The following ANKHD1 variants were observed in gnomAD, a reference collection of about 807,000 sequenced individuals.
ANKHD1 encodes the protein ankyrin repeat and KH domain-containing protein 1.
In ANKHD1, 31 loss-of-function variants were observed where a neutral mutation model predicts 230.5. That is an observed-to-expected ratio of 0.13 (90% CI 0.10 to 0.18). The LOEUF (loss-of-function observed/expected upper bound fraction) is 0.18. Among genes scored for constraint, ANKHD1 ranks in the 10% least tolerant of loss-of-function variants. The probability of loss-of-function intolerance (pLI) is 1.00; values close to 1 mark genes in which losing one functional copy is unlikely to be tolerated. For missense variants in ANKHD1, 2,256 were observed against 3,071.3 expected (o/e 0.73, Z 6.27); for synonymous variants, 1,074 against 1,117.6 (o/e 0.96, Z 0.78).
In ANKHD1 at chr5:140,509,798, A is replaced by G; in HGVS notation, c.3927A>G (p.Glu1309=). ...ACAAAGGTCACTACAAATTTTGTGAACTCCTGATTCATAGGTGAGTACTTT... is the reference window on the plus strand; with the variant it reads ...ACAAAGGTCACTACAAATTTTGTGAGCTCCTGATTCATAGGTGAGTACTTT... ...AADKGHYKFC[E]LLIHRGAHID... is the part of the protein sequence containing the mutation. The change falls in exon 21 of 34, where the codon GAA becomes GAG. Residue 1309 remains glutamate, a synonymous_variant. Transcript: ENST00000360839. The G allele has an allele frequency of 6.2e-7, 1 of 1,610,892 alleles. No homozygotes were observed. The highest frequency in any genetic ancestry group is 8.5e-7 in the Non-Finnish European group (1 of 1,179,380).
chr5:140,515,670 C>T (rs1752969100), intron 24 of ANKHD1, among the ~76,000 whole-genome samples: 1 of 152,162 alleles, frequency 6.6e-6, no homozygotes, highest in African/African-American at 2.4e-5. Flanking sequence ...TGGGGGGCAC[C>T]CCCCAGCAGG....
intron 1 of ANKHD1, among the ~76,000 whole-genome samples, chr5:140,410,203 A>G (rs1461621263): frequency 6.6e-6 from 1 of 152,156 alleles, no homozygotes; most frequent in Non-Finnish European, 1.5e-5. Flanking sequence ...CTTTATGAAA[A>G]TACAACTATG....
rs557914339 is a variant in ANKHD1 at position 140,402,183 on chromosome 5, C to T, written c.216C>T (p.Asp72=). The stretch of plus-strand genomic sequence containing the variant: ...GCGGCAGCGGTACGGGCGGAGGGGA[C>T]GCGGCGCTGGATTTCAAGTTGGCGG... ...GGSGSGTGGG[D]AALDFKLAAA... Residue 72 remains aspartate (D), a synonymous_variant, in exon 1 of 34, where the codon GAC becomes GAT. Coordinates refer to ENST00000360839, the MANE Select transcript of ANKHD1 (RefSeq NM_017747.3). The T allele has an allele frequency of 7.9e-4, 1,199 of 1,522,340 alleles. 17 individuals are homozygous for T. In the South Asian group the frequency reaches 0.014, roughly 18 times the overall value. The allele number at this position is 1,522,340 out of a possible 1,614,324, so 94.3% of individuals were successfully genotyped here. A position where few individuals can be genotyped will look rare whatever the true frequency, so the allele number is the denominator to read the frequency against.
At chr5:140,478,674 C>T (rs905002601) in intron 10 of ANKHD1, among the ~76,000 whole-genome samples, 10 of 151,974 alleles carry the variant, frequency 6.6e-5, no homozygotes, top group African/African-American at 1.9e-4. Context: ...GACAGAATTT[C>T]GCTCTTGTTG....
intron 1 of ANKHD1, among the ~76,000 whole-genome samples, chr5:140,429,732 GTTAA>G (rs562414521): frequency 6.4e-4 from 97 of 152,214 alleles, no homozygotes; most frequent in Middle Eastern, 3.4e-3. Flanking sequence ...TCTGAGAGAA[GTTAA>G]TTAGTTATTG....
intron 10 of ANKHD1, among the ~76,000 whole-genome samples, chr5:140,479,019 G>A (rs1751120282): frequency 1.2e-5 from 1 of 86,646 alleles, no homozygotes; most frequent in African/African-American, 4.5e-5. Context: ...TTATTTTTAA[G>A]ATGGAGTCTT....
chr5:140,432,712 A>AT (rs1022058694), intron 1 of ANKHD1, among the ~76,000 whole-genome samples: 46 of 148,570 alleles, frequency 3.1e-4, no homozygotes, highest in Non-Finnish European at 4.5e-4. Context: ...CCTTATATTA[A>AT]TTTTTTTTTT....
chr5:140,414,170 C>A (rs762939825), intron 1 of ANKHD1, among the ~76,000 whole-genome samples: 2 of 152,076 alleles, frequency 1.3e-5, no homozygotes, highest in Non-Finnish European at 2.9e-5. Flanking sequence ...ATGCAAATAT[C>A]TCTTTGAGGC....
At chr5:140,519,178 A>G (rs1051431433) in intron 24 of ANKHD1, among the ~76,000 whole-genome samples, 9 of 152,198 alleles carry the variant, frequency 5.9e-5, no homozygotes, top group African/African-American at 1.9e-4. Context: ...CCCATTCACA[A>G]TTGCTTCAAA....
intron 7 of ANKHD1, among the ~76,000 whole-genome samples, chr5:140,450,491 C>T (rs1484456121): frequency 1.3e-5 from 2 of 151,858 alleles, no homozygotes; most frequent in African/African-American, 2.4e-5. Context: ...TCTCATATAT[C>T]ATATGATTCT....
chr5:140,508,059 T>A, intron 20 of ANKHD1, 61 bp downstream of exon 20: 1 of 1,548,996 alleles, frequency 6.5e-7, no homozygotes, highest in Admixed American at 2.1e-5. Flanking sequence ...ACATGGCATT[T>A]TAACGCAAAT....
At chr5:140,445,720 TA>T (rs1457501046) in intron 5 of ANKHD1, 21 bp from the exon 6 acceptor site, 1 of 1,549,748 alleles carries the variant, frequency 6.5e-7, no homozygotes, top group East Asian at 2.3e-5. Context: ...TCATGTATTA[TA>T]TTTCTTCTTC....
chr5:140,405,763 G>T (rs1370656063), intron 1 of ANKHD1, among the ~76,000 whole-genome samples: 1 of 152,030 alleles, frequency 6.6e-6, no homozygotes, highest in African/African-American at 2.4e-5. Context: ...CTCCTGAGTA[G>T]CTGGGATTAC....
chr5:140,522,157 C>T (rs1753378006), intron 24 of ANKHD1, among the ~76,000 whole-genome samples: 1 of 152,204 alleles, frequency 6.6e-6, no homozygotes, highest in South Asian at 2.1e-4. Flanking sequence ...TGCTAATCTA[C>T]TTTCTGTCTC....
intron 1 of ANKHD1, among the ~76,000 whole-genome samples, chr5:140,427,894 G>A (rs62385222): frequency 0.057 from 8,574 of 151,482 alleles, 350 homozygotes; most frequent in Middle Eastern, 0.09. Context: ...CGGCTGCCAG[G>A]TGGAGGGGCT....
intron 1 of ANKHD1, among the ~76,000 whole-genome samples, chr5:140,433,063 C>T (rs1047658967): frequency 1.4e-5 from 2 of 147,818 alleles, no homozygotes; most frequent in Admixed American, 6.7e-5. Flanking sequence ...TTCCCCCCCC[C>T]AAAAAAAAAA....
chr5:140,449,432 A>G (rs990414068), intron 7 of ANKHD1, 127 bp downstream of exon 7: 34 of 1,053,044 alleles, frequency 3.2e-5, no homozygotes, highest in Admixed American at 1.0e-4. Context: ...TGAGAGGCCA[A>G]GTCGGGCGGA....
intron 32 of ANKHD1, 42 bp from the exon 33 acceptor site, chr5:140,538,877 T>A: frequency 7.0e-7 from 1 of 1,428,492 alleles, no homozygotes; most frequent in Non-Finnish European, 9.2e-7. Flanking sequence ...TTTTATAATT[T>A]ATAGTAATTT....
intron 7 of ANKHD1, among the ~76,000 whole-genome samples, chr5:140,451,625 C>T (rs1774740790): frequency 6.6e-6 from 1 of 152,130 alleles, no homozygotes; most frequent in South Asian, 2.1e-4. Flanking sequence ...CCTCTGCCCT[C>T]AGCCTCCCAA....
Sources: gnomAD v4.1 joint callset for allele counts (sites outside exome capture counted in the v4.1 genomes callset) on GRCh38, gnomAD v4.1.1 for gene constraint, MANE v1.5 for transcripts, NCBI Gene and HGNC (gene_info 2026-07-23, HGNC 2026-07-21) for gene names.